Variants in PPARGC1A observed in about 807,000 individuals in gnomAD.
The protein encoded by PPARGC1A is peroxisome proliferator-activated receptor gamma coactivator 1-alpha.
PPARGC1A carries 25 observed loss-of-function variants against 88.7 expected under a neutral mutation model. That is an observed-to-expected ratio of 0.28 (90% CI 0.21 to 0.39). The LOEUF is 0.39. Ranked by LOEUF, PPARGC1A falls within the 10% of genes least tolerant of loss-of-function variation. The pLI is 1.00. For missense variants in PPARGC1A, 880 were observed against 968.7 expected (o/e 0.91, Z 1.22); for synonymous variants, 363 against 355.6 (o/e 1.02, Z -0.24).
the PPARGC1A span, among the ~76,000 whole-genome samples, chr4:23,969,288 T>C: frequency 6.6e-6 from 1 of 152,176 alleles, no homozygotes; most frequent in African/African-American, 2.4e-5. Flanking sequence ...AAAAATGTCA[T>C]CTATATGAGG....
At chr4:23,816,466 A>C (rs1297312027) in intron 7 of PPARGC1A, among the ~76,000 whole-genome samples, 1 of 152,128 alleles carries the variant, frequency 6.6e-6, no homozygotes, top group East Asian at 1.9e-4. Context: ...TTATTTACGA[A>C]TTGCACTGCC....
the PPARGC1A span, among the ~76,000 whole-genome samples, chr4:24,165,831 C>T: frequency 1.3e-5 from 2 of 152,102 alleles, no homozygotes; most frequent in African/African-American, 4.8e-5. Context: ...CTCCTCAGGC[C>T]TCCCTATTCC....
At chr4:24,245,037 G>C in the PPARGC1A span, among the ~76,000 whole-genome samples, 1 of 152,162 alleles carries the variant, frequency 6.6e-6, no homozygotes, top group Non-Finnish European at 1.5e-5. Context: ...AAAAAAAAGA[G>C]GAAGAGAGAA....
chr4:24,196,028 T>TC, the PPARGC1A span, among the ~76,000 whole-genome samples: 1 of 152,208 alleles, frequency 6.6e-6, no homozygotes, highest in Non-Finnish European at 1.5e-5. Context: ...CCATGGGGTT[T>TC]CTCTCTATTT....
chr4:23,795,711 A>T lies in PPARGC1A; in HGVS notation c.*111T>A, dbSNP rs759554508. 8 of 721,024 alleles carry T rather than the reference A, an allele frequency of 1.1e-5. No individual in the cohort carries two copies. In the East Asian group the frequency reaches 1.6e-4, roughly 14 times the overall value. 44.7% of individuals were successfully genotyped at this position (721,024 alleles called of 1,614,324 possible). On this transcript the variant is annotated 3_prime_UTR_variant, in exon 13 of 13. Coordinates refer to ENST00000264867, the MANE Select transcript of PPARGC1A (RefSeq NM_013261.5). ...TGTTTTGTTTTGTTTTTGTACAGAG[A>T]GTGTAAAGTAGGAGAAATTCCTAAG...
chr4:24,398,818 A>G, the PPARGC1A span, among the ~76,000 whole-genome samples: 1 of 152,218 alleles, frequency 6.6e-6, no homozygotes, highest in African/African-American at 2.4e-5. Flanking sequence ...GAGCACCCCA[A>G]TCCAGGACCT....
At chr4:24,470,943 C>A in the PPARGC1A span, among the ~76,000 whole-genome samples, 3 of 151,704 alleles carry the variant, frequency 2.0e-5, no homozygotes, top group Non-Finnish European at 2.9e-5. The surrounding 1 kb of genome is among the most constrained non-coding windows in gnomAD (Gnocchi z 5.8). Context: ...GCGGCGGCGG[C>A]GAACATTTTT....
At chr4:24,447,474 G>A in the PPARGC1A span, among the ~76,000 whole-genome samples, 1 of 152,206 alleles carries the variant, frequency 6.6e-6, no homozygotes, top group African/African-American at 2.4e-5. Flanking sequence ...ACTCAGGCCA[G>A]GTGAGTCAGT....
At chr4:24,076,988 T>G in the PPARGC1A span, among the ~76,000 whole-genome samples, 3 of 151,772 alleles carry the variant, frequency 2.0e-5, no homozygotes, top group African/African-American at 7.3e-5. Context: ...AATTGTCTTA[T>G]TTCTTATTTC....
chr4:23,866,742 C>A (rs1020453237), intron 2 of PPARGC1A, among the ~76,000 whole-genome samples: 2 of 152,090 alleles, frequency 1.3e-5, no homozygotes, highest in Non-Finnish European at 2.9e-5. Context: ...AACTGTAATA[C>A]GTTTCCATTT....
chr4:23,928,749 G>T, the PPARGC1A span, among the ~76,000 whole-genome samples: 1 of 61,248 alleles, frequency 1.6e-5, no homozygotes, highest in African/African-American at 5.9e-5. Context: ...TACTTATCCA[G>T]CCACAAAAAA....
chr4:24,262,385 A>G, the PPARGC1A span, among the ~76,000 whole-genome samples: 1 of 152,190 alleles, frequency 6.6e-6, no homozygotes, highest in Non-Finnish European at 1.5e-5. Flanking sequence ...TATCAGAAGC[A>G]CTTCCACCAT....
chr4:23,910,166 A>C, the PPARGC1A span, among the ~76,000 whole-genome samples: 6 of 122,472 alleles, frequency 4.9e-5, no homozygotes, highest in Non-Finnish European at 9.7e-5. Context: ...ATATAAATAT[A>C]TAATATATAA....
chr4:24,228,830 G>A, the PPARGC1A span, among the ~76,000 whole-genome samples: 1 of 152,202 alleles, frequency 6.6e-6, no homozygotes, highest in African/African-American at 2.4e-5. Context: ...ATCAAAAGTC[G>A]ATATTTATCA....
chr4:23,844,364 ATATAT>A (rs1232524401), intron 2 of PPARGC1A, among the ~76,000 whole-genome samples: 1 of 136,426 alleles, frequency 7.3e-6, no homozygotes, highest in South Asian at 2.1e-4. Context: ...ATAATCTATA[ATATAT>A]TATAGATTAT....
chr4:24,073,361 G>A, the PPARGC1A span, among the ~76,000 whole-genome samples: 1 of 152,082 alleles, frequency 6.6e-6, no homozygotes, highest in Non-Finnish European at 1.5e-5. Context: ...TTAATCTACA[G>A]CCCCTCTGCA....
the PPARGC1A span, among the ~76,000 whole-genome samples, chr4:24,405,342 A>G: frequency 0.45 from 67,923 of 151,996 alleles, 15,635 homozygotes; most frequent in Middle Eastern, 0.52. Flanking sequence ...TTTTTCCAAC[A>G]AAAGTAATTG....
In PPARGC1A at chr4:23,799,577, G is replaced by A. The variant is rs979100117; in HGVS notation, c.2293+2153C>T. On this transcript the variant is annotated intron_variant, in intron 12 of 12. Transcript: ENST00000264867. ...AGAAAAAAACTACCTTTGTGCCATC[G>A]TACAGCTTGAGGGAATTGGAAAAAT... 2.2e-4 allele frequency among the ~76,000 whole-genome samples: 33 copies of A among 152,138 alleles called. No homozygotes were observed. In the South Asian group the frequency reaches 2.7e-3, roughly 12 times the overall value.
intron 2 of PPARGC1A, among the ~76,000 whole-genome samples, chr4:23,873,814 T>G (rs1398391732): frequency 1.3e-5 from 2 of 151,882 alleles, no homozygotes; most frequent in Non-Finnish European, 2.9e-5. Context: ...AAAAGAAGTT[T>G]TAAAGGGGAA....
Sources: gnomAD v4.1 joint callset for allele counts (sites outside exome capture counted in the v4.1 genomes callset) on GRCh38, gnomAD v4.1.1 for gene constraint, Gnocchi (gnomAD v3.1) non-coding constraint, MANE v1.5 for transcripts, NCBI Gene and HGNC (gene_info 2026-07-23, HGNC 2026-07-21) for gene names.